The following CHIC1 variants were observed in gnomAD, a reference collection of about 807,000 sequenced individuals.
CHIC1 encodes cysteine rich hydrophobic domain 1, also known as cysteine-rich hydrophobic domain-containing protein 1.
Under a neutral mutation model 18.5 loss-of-function variants are expected in CHIC1, and 7 were observed. The ratio of observed to expected loss-of-function variants is 0.38; its 90% CI spans 0.22 to 0.71. The LOEUF is 0.71. Among genes scored for constraint, CHIC1 ranks in the 30% least tolerant of loss-of-function variants. CHIC1 has a pLI of 0.49. For synonymous variants in CHIC1, 77 were observed against 73.5 expected, an observed-to-expected ratio of 1.05 and a Z score of -0.25; for missense variants, 159 against 176.9, an observed-to-expected ratio of 0.90 and a Z score of 0.57.
intron 3 of CHIC1, among the ~76,000 whole-genome samples, chrX:73,596,236 GACAA>G (rs1458238333): frequency 1.8e-5 from 2 of 111,143 alleles, no homozygotes; most frequent in Non-Finnish European, 3.8e-5. Context: ...ACCAATAATA[GACAA>G]ACAGAGAGCC....
intron 3 of CHIC1, among the ~76,000 whole-genome samples, chrX:73,601,590 T>G (rs1197395654): frequency 9.5e-6 from 1 of 104,936 alleles, no homozygotes; most frequent in Non-Finnish European, 1.9e-5. Flanking sequence ...TAGCACTAAA[T>G]GCCCACAAGA....
intron 3 of CHIC1, among the ~76,000 whole-genome samples, chrX:73,676,875 G>A (rs1302589783): frequency 9.0e-6 from 1 of 111,082 alleles, no homozygotes; most frequent in Admixed American, 9.6e-5. Context: ...ATCTACCTTT[G>A]GTCTTTGATG....
intron 3 of CHIC1, among the ~76,000 whole-genome samples, chrX:73,625,164 G>C (rs963495876): frequency 9.1e-6 from 1 of 110,433 alleles, no homozygotes; most frequent in African/African-American, 3.3e-5. Flanking sequence ...TTTTGCAAGT[G>C]GCCACCCAAC....
intron 3 of CHIC1, among the ~76,000 whole-genome samples, chrX:73,643,541 A>G (rs2057870324): frequency 1.8e-5 from 2 of 111,714 alleles, no homozygotes; most frequent in African/African-American, 6.5e-5. Context: ...ACATAGTCCC[A>G]TATTTCTTGG....
rs2058036041 is a variant in CHIC1 at position 73,672,365 on chromosome X, A to G, written c.508-6961A>G. On this transcript the variant is annotated intron_variant, in intron 3 of 5. Coordinates refer to ENST00000373502, the MANE Select transcript of CHIC1 (RefSeq NM_001039840.4). ...CCACACTGACTTCCACAATGGTTGA[A>G]CTAGTTTACAGTCCCACCAACAGTG... is the stretch of plus-strand genomic sequence containing the variant. 2.7e-5 allele frequency among the ~76,000 whole-genome samples: 3 copies of G among 111,394 alleles called. No individual in the cohort carries two copies. The Admixed American group carries it at 2.8e-4, about 11-fold the overall frequency.
chrX:73,679,294 T>A (rs1246157463), intron 3 of CHIC1, 32 bp from the exon 4 acceptor site: 2 of 999,674 alleles, frequency 2.0e-6, no homozygotes, highest in Non-Finnish European at 2.8e-6. Context: ...CTTCAGGTCA[T>A]CTTGTAACAA....
intron 1 of CHIC1, among the ~76,000 whole-genome samples, chrX:73,564,123 G>A (rs1205383871): frequency 8.9e-6 from 1 of 111,913 alleles, no homozygotes; most frequent in Non-Finnish European, 1.9e-5. Context: ...CAGGATGAGA[G>A]GCAGCTATGG....
At chrX:73,605,252 A>G (rs2057675151) in intron 3 of CHIC1, among the ~76,000 whole-genome samples, 1 of 108,364 alleles carries the variant, frequency 9.2e-6, no homozygotes, top group Middle Eastern at 4.6e-3. Flanking sequence ...ACCATTTGTA[A>G]TGCCCTTCTT....
At chrX:73,587,640 T>C (rs1259436647) in intron 3 of CHIC1, among the ~76,000 whole-genome samples, 1 of 111,366 alleles carries the variant, frequency 9.0e-6, no homozygotes, top group Non-Finnish European at 1.9e-5. Context: ...GAAAAGCATA[T>C]GATAGAAACA....
intron 2 of CHIC1, among the ~76,000 whole-genome samples, chrX:73,580,560 A>G (rs919087885): frequency 3.6e-5 from 4 of 110,805 alleles, no homozygotes; most frequent in Non-Finnish European, 5.7e-5. Context: ...TCCGACAGGC[A>G]CTTTCATTTG....
Position 73,604,505 on chromosome X carries a change from C to CTT in CHIC1, c.507+19933_507+19934insTT, listed in dbSNP as rs1341132754. ...GAAGGGTTTTTCGTGTCTCTATCTC[C>CTT]CAGTTCTGCTCTGATCTTAATTATT... On this transcript the variant is annotated intron_variant, in intron 3 of 5. Coordinates refer to ENST00000373502, the MANE Select transcript of CHIC1 (RefSeq NM_001039840.4). Among the ~76,000 whole-genome samples the CTT allele has an allele frequency of 5.5e-4, 58 of 106,412 alleles. 7 individuals carry two copies. The highest frequency in any genetic ancestry group is 2.1e-3 in the African/African-American group (55 of 26,278). The allele number at this position is 106,412 out of a possible 115,157, so 92.4% of individuals were successfully genotyped here.
intron 3 of CHIC1, among the ~76,000 whole-genome samples, chrX:73,625,742 TA>T (rs2057780571): frequency 9.0e-6 from 1 of 110,964 alleles, no homozygotes; most frequent in African/African-American, 3.3e-5. Context: ...CCCTAAATCT[TA>T]GGAAGGTCTG....
chrX:73,579,162 A>G (rs1228778620), intron 2 of CHIC1, among the ~76,000 whole-genome samples: 8 of 110,214 alleles, frequency 7.3e-5, no homozygotes, highest in Non-Finnish European at 7.7e-5. Flanking sequence ...GAGACAGAAT[A>G]TAGTAGTTAA....
At chrX:73,607,472 C>T (rs1214179197) in intron 3 of CHIC1, among the ~76,000 whole-genome samples, 1 of 107,836 alleles carries the variant, frequency 9.3e-6, no homozygotes, top group African/African-American at 3.6e-5. Flanking sequence ...GCTTCAGCCC[C>T]CTTTCCAGGG....
At chrX:73,615,154 G>C (rs1324693528) in intron 3 of CHIC1, among the ~76,000 whole-genome samples, 5 of 111,843 alleles carry the variant, frequency 4.5e-5, no homozygotes, top group Non-Finnish European at 9.4e-5. Flanking sequence ...TGGTGTCTTT[G>C]ATTCCTTTGG....
intron 3 of CHIC1, among the ~76,000 whole-genome samples, chrX:73,635,264 C>A (rs767707601): frequency 8.9e-6 from 1 of 111,753 alleles, no homozygotes; most frequent in South Asian, 3.8e-4. Context: ...TTTTATTATG[C>A]TACTGACTTT....
intron 3 of CHIC1, among the ~76,000 whole-genome samples, chrX:73,663,719 G>C (rs1343632752): frequency 9.0e-6 from 1 of 110,919 alleles, no homozygotes; most frequent in African/African-American, 3.3e-5. Flanking sequence ...GTGATTAATT[G>C]GTTCAGATAT....
intron 2 of CHIC1, 80 bp from the exon 3 acceptor site, chrX:73,584,337 G>T: frequency 1.2e-6 from 1 of 852,572 alleles, no homozygotes; most frequent in Non-Finnish European, 1.6e-6. Flanking sequence ...TAAATTATTT[G>T]TAATAAATGT....
rs1485441568 is a variant in CHIC1, at chrX:73,686,227, T to G, written c.*5222T>G. 1 of 111,357 alleles carries G rather than the reference T, an allele frequency of 9.0e-6. No individual in the cohort carries two copies. Among genetic ancestry groups the G allele is most frequent in the Non-Finnish European group, 1.9e-5 (1 of 52,872 alleles). The allele number at this position is 111,357 out of a possible 1,213,427, so 9.2% of individuals were successfully genotyped here. A position where few individuals can be genotyped will look rare whatever the true frequency, so the allele number is the denominator to read the frequency against. ...ACCACTTTTATAAAGGAACTAAGAT[T>G]ATTTGACCCCCTCCACAGATTGCTT... is the stretch of plus-strand genomic sequence containing the variant. On this transcript the variant is annotated 3_prime_UTR_variant, in exon 6 of 6. Transcript: ENST00000373502.
Sources: allele counts gnomAD v4.1 joint callset (sites outside exome capture counted in the v4.1 genomes callset), GRCh38; gene constraint gnomAD v4.1.1; transcripts MANE v1.5; gene names NCBI Gene and HGNC (gene_info 2026-07-23, HGNC 2026-07-21).